CDH23: variants seen among roughly 807,000 people sequenced by gnomAD.
The protein encoded by CDH23 is cadherin-23.
Under a neutral mutation model 317.1 loss-of-function variants are expected in CDH23, and 189 were observed. The observed-to-expected ratio is 0.60, with a 90% CI of 0.53 to 0.67. The LOEUF is 0.67. Among genes scored for constraint, CDH23 ranks in the 30% least tolerant of loss-of-function variants. CDH23 has a pLI of 0.00. For synonymous variants in CDH23, 1,839 were observed against 1,876.8 expected, an observed-to-expected ratio of 0.98 and a Z score of 0.52; for missense variants, 4,401 against 4,592.4, an observed-to-expected ratio of 0.96 and a Z score of 1.20.
intron 11 of CDH23, among the ~76,000 whole-genome samples, chr10:71,638,934 C>T (rs553662083): frequency 3.3e-5 from 5 of 152,138 alleles, no homozygotes; most frequent in Admixed American, 6.5e-5. Flanking sequence ...TCCTGGCAGC[C>T]GGCTGATAAG....
At chr10:71,621,430 G>A (rs1861461841) in intron 11 of CDH23, among the ~76,000 whole-genome samples, 1 of 152,170 alleles carries the variant, frequency 6.6e-6, no homozygotes, top group Non-Finnish European at 1.5e-5. Context: ...CACGGGGGTG[G>A]GGCATGCTTA....
intron 53 of CDH23, among the ~76,000 whole-genome samples, chr10:71,801,523 G>A (rs1348611079): frequency 1.3e-5 from 2 of 151,820 alleles, no homozygotes; most frequent in Non-Finnish European, 2.9e-5. Flanking sequence ...CAGTGTCCAC[G>A]CAGCTGTTCT....
chr10:71,645,200 G>T (rs1247466839), intron 12 of CDH23, among the ~76,000 whole-genome samples: 1 of 152,228 alleles, frequency 6.6e-6, no homozygotes, highest in Non-Finnish European at 1.5e-5. Context: ...ACCTGTGATG[G>T]GGTGGCCACC....
intron 9 of CDH23, among the ~76,000 whole-genome samples, chr10:71,589,490 G>A (rs1446884777): frequency 6.6e-6 from 1 of 152,194 alleles, no homozygotes; most frequent in African/African-American, 2.4e-5. Flanking sequence ...CAAAATATCA[G>A]CTTACTTAAA....
chr10:71,793,030 A>C (rs1464193604), intron 47 of CDH23, among the ~76,000 whole-genome samples, 152 bp from the exon 48 acceptor site: 1 of 152,024 alleles, frequency 6.6e-6, no homozygotes, highest in Non-Finnish European at 1.5e-5. Context: ...CCATTTTCCT[A>C]TAAAATTGCA....
In CDH23 at chr10:71,675,684, C is replaced by T. The variant is rs58766748; in HGVS notation, c.1514+508C>T. Among the ~76,000 whole-genome samples the T allele has an allele frequency of 2.3e-3, 348 of 152,280 alleles. 2 individuals carry two copies. The highest frequency in any genetic ancestry group is 7.9e-3 in the African/African-American group (329 of 41,550). On this transcript the variant is annotated intron_variant, in intron 15 of 69. Transcript: ENST00000224721. Reference sequence around the variant, plus strand: ...TCCAAAGTCAGACAGCTATAAGTGCCGTGGTCAGGCTTCTGCATGTGACCT... The same window carrying T: ...TCCAAAGTCAGACAGCTATAAGTGCTGTGGTCAGGCTTCTGCATGTGACCT...
intron 6 of CDH23, among the ~76,000 whole-genome samples, chr10:71,547,535 G>A (rs779516924): frequency 2.2e-4 from 34 of 152,252 alleles, no homozygotes; most frequent in Non-Finnish European, 4.1e-4. Context: ...ACTGGAATAG[G>A]GTTGTGGCGA....
At chr10:71,571,035 C>A in intron 8 of CDH23, 117 bp downstream of exon 8, 1 of 1,146,782 alleles carries the variant, frequency 8.7e-7, no homozygotes, top group Non-Finnish European at 1.3e-6. Flanking sequence ...CCTCCGCAGT[C>A]CCTGTGCGTG....
intron 1 of CDH23, among the ~76,000 whole-genome samples, chr10:71,426,170 A>G (rs975461190): frequency 2.3e-4 from 35 of 152,290 alleles, no homozygotes; most frequent in East Asian, 5.8e-4. Flanking sequence ...CCATAGTTCT[A>G]TCGACCACCT....
At chr10:71,785,155 A>G in intron 43 of CDH23, 55 bp downstream of exon 43, 1 of 1,482,474 alleles carries the variant, frequency 6.7e-7, no homozygotes, top group Non-Finnish European at 9.3e-7. Flanking sequence ...GAAAAAGAGG[A>G]CCCTGCCCTA....
chr10:71,403,380 T>C (rs1847897031), intron 1 of CDH23, among the ~76,000 whole-genome samples: 2 of 119,036 alleles, frequency 1.7e-5, no homozygotes, highest in Non-Finnish European at 3.3e-5. Context: ...TCTTTCTTTC[T>C]TTCTTTCTTT....
At chr10:71,776,807 C>T (rs971820861) in intron 38 of CDH23, among the ~76,000 whole-genome samples, 13 of 152,242 alleles carry the variant, frequency 8.5e-5, no homozygotes, top group African/African-American at 3.1e-4. Flanking sequence ...TCTTTCTCCC[C>T]ACTGCTTTCA....
chr10:71,579,062 G>A (rs1356712878), intron 9 of CDH23, among the ~76,000 whole-genome samples: 1 of 152,148 alleles, frequency 6.6e-6, no homozygotes, highest in East Asian at 1.9e-4. Context: ...CCTACTTCAA[G>A]GTGATGTAAG....
chr10:71,747,518 C>T (rs1183509959), intron 38 of CDH23: 1 of 152,310 alleles, frequency 6.6e-6, no homozygotes, highest in Non-Finnish European at 1.5e-5. Context: ...GCCCATAATA[C>T]CAATCCATTC....
chr10:71,542,121 G>A (rs988598130), intron 6 of CDH23, among the ~76,000 whole-genome samples: 7 of 152,256 alleles, frequency 4.6e-5, no homozygotes, highest in African/African-American at 1.7e-4. Flanking sequence ...GGAGGAAGGC[G>A]CCTTCTATCT....
Position 71,790,677 on chromosome 10 carries a change from A to T in CDH23, c.6049+264A>T, listed in dbSNP as rs188837577. 5.8e-6 allele frequency: 3 copies of T among 517,050 alleles called. No homozygotes were observed. The East Asian group carries it at 9.9e-5, about 17-fold the overall frequency. The allele number at this position is 517,050 out of a possible 1,614,324, so 32.0% of individuals were successfully genotyped here. A position where few individuals can be genotyped will look rare whatever the true frequency, so the allele number is the denominator to read the frequency against. On this transcript the variant is annotated intron_variant, in intron 46 of 69. Transcript: ENST00000224721. ...GCCTGGGCCGGGAGCCCCCCAGCCCACTCCCGTCATCTCCCCATGCGCAGG... is the reference window on the plus strand; with the variant it reads ...GCCTGGGCCGGGAGCCCCCCAGCCCTCTCCCGTCATCTCCCCATGCGCAGG...
Position 71,730,341 on chromosome 10 carries a change from G to T in CDH23, c.3580-128G>T, listed in dbSNP as rs371474816. ...CAGTGACCCACCAGACAGGCCTGGG[G>T]TCCTAGAGGGAGCTCACAGCAGGCC... is the stretch of plus-strand genomic sequence containing the variant. On this transcript the variant is annotated intron_variant, in intron 30 of 69. Transcript: ENST00000224721. 1.6e-5 allele frequency: 20 copies of T among 1,214,440 alleles called. No homozygotes were observed. The African/African-American group carries it at 1.7e-4, about 10-fold the overall frequency. The allele number at this position is 1,214,440 out of a possible 1,614,324, so 75.2% of individuals were successfully genotyped here.
At chr10:71,558,320 A>T (rs576479455) in intron 6 of CDH23, among the ~76,000 whole-genome samples, 1 of 152,216 alleles carries the variant, frequency 6.6e-6, no homozygotes, top group South Asian at 2.1e-4. Context: ...TTCCTCTGGA[A>T]TTCCTATTAG....
intron 41 of CDH23, among the ~76,000 whole-genome samples, chr10:71,780,371 C>T (rs747514621): frequency 2.0e-5 from 3 of 151,970 alleles, no homozygotes; most frequent in African/African-American, 4.8e-5. Context: ...AAAACCAAGC[C>T]GGAGGATGGG....
Sources: allele counts gnomAD v4.1 joint callset (sites outside exome capture counted in the v4.1 genomes callset), GRCh38; gene constraint gnomAD v4.1.1; transcripts MANE v1.5; gene names NCBI Gene and HGNC (gene_info 2026-07-23, HGNC 2026-07-21).